ZYG11A: variants seen among roughly 807,000 people sequenced by gnomAD.
The protein encoded by ZYG11A is protein zyg-11 homolog A.
ZYG11A carries 62 observed loss-of-function variants against 77.2 expected under a neutral mutation model. The observed-to-expected ratio is 0.80, with a 90% CI of 0.65 to 0.99. ZYG11A has a LOEUF of 0.99. Ranked by LOEUF, ZYG11A falls within the 50% of genes least tolerant of loss-of-function variation. ZYG11A has a pLI of 0.00. For missense variants in ZYG11A, 828 were observed against 896.8 expected (o/e 0.92, Z 0.98); for synonymous variants, 315 against 324.6 (o/e 0.97, Z 0.32).
chr1:52,850,254 G>A (rs1017022795), intron 1 of ZYG11A, among the ~76,000 whole-genome samples: 1 of 150,964 alleles, frequency 6.6e-6, no homozygotes, highest in Non-Finnish European at 1.5e-5. Context: ...GGGTTCAAGC[G>A]ATTCTCCTGC....
Position 52,877,728 on chromosome 1 carries a change from A to G in ZYG11A, c.1589A>G (p.Asp530Gly), listed in dbSNP as rs1646286510. The change falls in exon 9 of 14, where the codon GAT becomes GGT. Residue 530 changes from aspartate (D) to glycine (G), a missense_variant. Coordinates refer to ENST00000371528, the MANE Select transcript of ZYG11A (RefSeq NM_001004339.3). ...VKQKTTENLD[D>G]VTFLFTLKAL... The stretch of plus-strand genomic sequence containing the variant: ...CAAAAGACTACTGAGAATTTAGATG[A>G]TGTCACCTTCTTGTTTACTTTGAAA... 1 of 1,551,962 alleles carries G rather than the reference A, an allele frequency of 6.4e-7. No individual in the cohort carries two copies. Among genetic ancestry groups the G allele is most frequent in the African/African-American group, 1.4e-5 (1 of 73,058 alleles).
chr1:52,849,472 C>T (rs1015362405), intron 1 of ZYG11A, among the ~76,000 whole-genome samples: 1 of 150,776 alleles, frequency 6.6e-6, no homozygotes, highest in African/African-American at 2.4e-5. Flanking sequence ...TCAAGGGACT[C>T]TCATGTCTCA....
At chr1:52,890,514 A>G (rs1646527131) in intron 13 of ZYG11A, among the ~76,000 whole-genome samples, 1 of 151,668 alleles carries the variant, frequency 6.6e-6, no homozygotes, top group African/African-American at 2.4e-5. Flanking sequence ...GATTACAGGC[A>G]TGAGCCACGA....
chr1:52,878,991 A>T (rs1230925556), intron 10 of ZYG11A, among the ~76,000 whole-genome samples: 3 of 149,998 alleles, frequency 2.0e-5, no homozygotes, highest in Non-Finnish European at 4.4e-5. Context: ...CAAAAAACTC[A>T]AACTCAGTCA....
intron 11 of ZYG11A, among the ~76,000 whole-genome samples, chr1:52,885,250 A>G (rs889885837): frequency 7.9e-5 from 12 of 151,520 alleles, no homozygotes; most frequent in African/African-American, 2.9e-4. Flanking sequence ...TCACTTCAGG[A>G]AGTACCTCAC....
rs1354365871 is a variant in ZYG11A, at chr1:52,894,420, C to G, written c.*1463C>G. ...AAACCAGCTTCAACTACAGTATAAACTATATCAGAAGCTTACTTGATAAGC... is the reference window on the plus strand; with the variant it reads ...AAACCAGCTTCAACTACAGTATAAAGTATATCAGAAGCTTACTTGATAAGC... On this transcript the variant is annotated 3_prime_UTR_variant, in exon 14 of 14. Coordinates refer to ENST00000371528, the MANE Select transcript of ZYG11A (RefSeq NM_001004339.3). The G allele has an allele frequency of 6.6e-6, 1 of 152,196 alleles. No individual in the cohort carries two copies. The highest frequency in any genetic ancestry group is 1.5e-5 in the Non-Finnish European group (1 of 68,036). 9.4% of individuals were successfully genotyped at this position (152,196 alleles called of 1,614,324 possible).
chr1:52,872,110 G>A (rs942779992), intron 8 of ZYG11A, among the ~76,000 whole-genome samples: 5 of 152,130 alleles, frequency 3.3e-5, no homozygotes, highest in African/African-American at 1.2e-4. Flanking sequence ...TGAGATGCTT[G>A]AGATGTCAAG....
intron 8 of ZYG11A, among the ~76,000 whole-genome samples, chr1:52,876,066 G>C (rs1476670687): frequency 6.6e-6 from 1 of 152,132 alleles, no homozygotes; most frequent in Non-Finnish European, 1.5e-5. Context: ...GTTAGGAAGA[G>C]TGGGTGTATT....
chr1:52,854,015 A>G (rs1053440147), intron 1 of ZYG11A, among the ~76,000 whole-genome samples: 3 of 152,316 alleles, frequency 2.0e-5, no homozygotes, highest in African/African-American at 7.2e-5. Flanking sequence ...ATTTGGGGAA[A>G]AATACCTGCA....
chr1:52,889,879 A>T (rs1297753089), intron 13 of ZYG11A, among the ~76,000 whole-genome samples: 1 of 150,920 alleles, frequency 6.6e-6, no homozygotes, highest in African/African-American at 2.4e-5. Flanking sequence ...GCCCGGCTAA[A>T]TTTTTTTGTA....
At position 52,852,304 on chromosome 1, in the gene ZYG11A, C is replaced by T. The variant is rs370462913; in HGVS notation, c.91-2161C>T. On this transcript the variant is annotated intron_variant, in intron 1 of 13. Transcript: ENST00000371528. ...CCTCATGATCCACCCACCTCATCTT[C>T]CCAAAGTAGTGTGATTACAGGAGTG... 1.1e-4 allele frequency among the ~76,000 whole-genome samples: 16 copies of T among 151,864 alleles called. 1 individual carries two copies. Among genetic ancestry groups the T allele is most frequent in the African/African-American group, 3.9e-4 (16 of 41,384 alleles).
chr1:52,869,937 C>CGGGGCTGCTGGCTGGGTGGGGGGCTG (rs1646114400), intron 8 of ZYG11A, among the ~76,000 whole-genome samples: 1 of 142,062 alleles, frequency 7.0e-6, no homozygotes, highest in African/African-American at 2.8e-5. Context: ...CCCTCCCAGA[C>CGGGGCTGCTGGCTGGGTGGGGGGCTG]AGGGTGGCTG....
Position 52,857,269 on chromosome 1 carries a change from C to A in ZYG11A, c.528C>A (p.Phe176Leu), listed in dbSNP as rs1342775511. 2.6e-6 allele frequency: 4 copies of A among 1,552,152 alleles called. No individual in the cohort carries two copies. Among genetic ancestry groups the A allele is most frequent in the Non-Finnish European group, 3.5e-6 (4 of 1,147,132 alleles). The change falls in exon 3 of 14, where the codon TTC becomes TTA. Residue 176 changes from phenylalanine (F) to leucine (L), a missense_variant. Transcript: ENST00000371528. ...TSIPQNSRLL[F>L]FSQLTGLRIL... is the part of the protein sequence containing the mutation. ...TCCCTCAAAATTCAAGATTACTGTT[C>A]TTTAGTCAGCTCACTGGTCTTCGCA...
chr1:52,879,321 A>G (rs904313882), intron 10 of ZYG11A, among the ~76,000 whole-genome samples: 7 of 152,202 alleles, frequency 4.6e-5, no homozygotes, highest in African/African-American at 1.2e-4. Flanking sequence ...CTGATTTACA[A>G]CTGACAAGTG....
chr1:52,855,098 A>T (rs1052500434), intron 2 of ZYG11A, among the ~76,000 whole-genome samples: 1 of 151,418 alleles, frequency 6.6e-6, no homozygotes, highest in Non-Finnish European at 1.5e-5. Flanking sequence ...CTGAGTTCAG[A>T]TGATCCGTCT....
chr1:52,867,460 G>A, intron 6 of ZYG11A, 79 bp from the exon 7 acceptor site: 1 of 930,404 alleles, frequency 1.1e-6, no homozygotes, highest in South Asian at 1.5e-5. Flanking sequence ...GGATTACTTG[G>A]GGAATGCCAA....
Position 52,884,482 on chromosome 1 carries a change from C to G in ZYG11A, c.1945-1351C>G, listed in dbSNP as rs1356594385. Reference sequence around the variant, plus strand: ...CTGCACTCCAGCCTGGGCAACAGAGCGAGACTGCCTCAAAAAAAAAAAAAA... The same window carrying G: ...CTGCACTCCAGCCTGGGCAACAGAGGGAGACTGCCTCAAAAAAAAAAAAAA... On this transcript the variant is annotated intron_variant, in intron 11 of 13. Coordinates refer to ENST00000371528, the MANE Select transcript of ZYG11A (RefSeq NM_001004339.3). Among the ~76,000 whole-genome samples, 63 of 110,962 alleles carry G rather than the reference C, an allele frequency of 5.7e-4. 2 individuals carry two copies. Among genetic ancestry groups the G allele is most frequent in the Admixed American group, 2.0e-4 (2 of 9,802 alleles). The allele number at this position is 110,962 out of a possible 152,430, so 72.8% of individuals were successfully genotyped here.
At chr1:52,861,259 G>A (rs1339186526) in intron 4 of ZYG11A, among the ~76,000 whole-genome samples, 1 of 152,156 alleles carries the variant, frequency 6.6e-6, no homozygotes, top group Admixed American at 6.5e-5. Context: ...AGGGAAGGAT[G>A]CGTTTTATTG....
chr1:52,851,238 G>A (rs897278026), intron 1 of ZYG11A, among the ~76,000 whole-genome samples: 1 of 151,908 alleles, frequency 6.6e-6, no homozygotes, highest in African/African-American at 2.4e-5. Flanking sequence ...TGGAGACGGG[G>A]TTTTGCCATG....
Sources: gnomAD v4.1 joint callset for allele counts (sites outside exome capture counted in the v4.1 genomes callset) on GRCh38, gnomAD v4.1.1 for gene constraint, MANE v1.5 for transcripts, NCBI Gene and HGNC (gene_info 2026-07-23, HGNC 2026-07-21) for gene names.